ABCC5: variants seen among roughly 807,000 people sequenced by gnomAD.
The protein encoded by ABCC5 is ATP-binding cassette sub-family C member 5.
Under a neutral mutation model 160.9 loss-of-function variants are expected in ABCC5, and 61 were observed. The observed-to-expected ratio is 0.38, with a 90% CI of 0.31 to 0.47. The LOEUF (loss-of-function observed/expected upper bound fraction) is 0.47, where lower values mean the gene tolerates loss of function less well. Ranked by LOEUF, ABCC5 falls within the 20% of genes least tolerant of loss-of-function variation. The probability of loss-of-function intolerance (pLI) is 0.99; values close to 1 mark genes in which losing one functional copy is unlikely to be tolerated. For synonymous variants in ABCC5, 666 were observed against 700.6 expected (o/e 0.95, Z 0.78); for missense variants, 1,308 against 1,813.3 (o/e 0.72, Z 5.06).
At chr3:183,952,139 CA>C (rs1715419431) in intron 18 of ABCC5, 136 bp from the exon 19 acceptor site, 1 of 668,656 alleles carries the variant, frequency 1.5e-6, no homozygotes, top group Non-Finnish European at 2.2e-6. Context: ...TGGCTTTGTC[CA>C]CCTCTTTTTT....
At position 184,005,794 on chromosome 3, in the gene ABCC5, A is replaced by G. The variant is rs190845071; in HGVS notation, c.129+8470T>C. 3.3e-5 allele frequency among the ~76,000 whole-genome samples: 5 copies of G among 152,286 alleles called. No homozygotes were observed. In the East Asian group the frequency reaches 9.6e-4, roughly 29 times the overall value. ...TTAAAGTATAATAATAACTAAAAAA[A>G]AGAAAGCATTAACGGAAACCCACCT... On this transcript the variant is annotated intron_variant, in intron 2 of 29. Transcript: ENST00000334444.
At position 183,944,983 on chromosome 3, in the gene ABCC5, T is replaced by G. The variant is rs115197119; in HGVS notation, c.3504+867A>C. On this transcript the variant is annotated intron_variant, in intron 24 of 29. Coordinates refer to ENST00000334444, the MANE Select transcript of ABCC5 (RefSeq NM_005688.4). Reference sequence around the variant, plus strand: ...CCCTTGCTGTTCCCGTGACAGTGAGTTCTCAGGAGATCTGGTTGTTTGAAA... The same window carrying G: ...CCCTTGCTGTTCCCGTGACAGTGAGGTCTCAGGAGATCTGGTTGTTTGAAA... 2.7e-3 allele frequency among the ~76,000 whole-genome samples: 413 copies of G among 152,216 alleles called. 4 individuals carry two copies. The highest frequency in any genetic ancestry group is 9.1e-3 in the African/African-American group (379 of 41,538).
At chr3:183,931,266 C>T (rs1442290131) in intron 26 of ABCC5, among the ~76,000 whole-genome samples, 1 of 152,014 alleles carries the variant, frequency 6.6e-6, no homozygotes, top group East Asian at 1.9e-4. Context: ...CGGTCTCCTG[C>T]CCACTGAGTA....
rs779381751 is a variant in ABCC5, at chr3:183,982,007, C to A, written c.1000-133G>T. 9.9e-6 allele frequency: 9 copies of A among 912,662 alleles called. No individual in the cohort carries two copies. The highest frequency in any genetic ancestry group is 3.4e-5 in the Admixed American group (1 of 29,424). 56.5% of individuals were successfully genotyped at this position (912,662 alleles called of 1,614,324 possible). ...TAGGATGGGCCAAATGTTATGTAAT[C>A]GTACTGTCTTTAATAAAAGTGACCT... On this transcript the variant is annotated intron_variant, in intron 7 of 29. Coordinates refer to ENST00000334444, the MANE Select transcript of ABCC5 (RefSeq NM_005688.4). The surrounding 1 kb of genome is among the most constrained non-coding windows in gnomAD (Gnocchi z 5.2).
At chr3:184,014,921 T>C (rs1722068776) in intron 1 of ABCC5, among the ~76,000 whole-genome samples, 1 of 152,206 alleles carries the variant, frequency 6.6e-6, no homozygotes. Flanking sequence ...ATATATTCCA[T>C]CTCTGCCTTT....
At chr3:184,011,248 T>C (rs1233881260) in intron 2 of ABCC5, 1 of 152,146 alleles carries the variant, frequency 6.6e-6, no homozygotes, top group African/African-American at 2.4e-5. Flanking sequence ...TTATATTTGG[T>C]CTCTTTCTCC....
intron 25 of ABCC5, chr3:183,942,325 C>A: frequency 2.2e-6 from 1 of 452,704 alleles, no homozygotes; most frequent in South Asian, 1.6e-5. Flanking sequence ...TGAGCCACTG[C>A]GCCCAGCCTA....
chr3:183,955,292 G>C (rs1021098085), intron 17 of ABCC5, among the ~76,000 whole-genome samples: 1 of 152,192 alleles, frequency 6.6e-6, no homozygotes, highest in Non-Finnish European at 1.5e-5. Context: ...TATTTTAATA[G>C]AGTGAGGTTG....
intron 16 of ABCC5, among the ~76,000 whole-genome samples, chr3:183,961,111 A>G (rs1277284220): frequency 6.6e-6 from 1 of 152,170 alleles, no homozygotes; most frequent in Non-Finnish European, 1.5e-5. Flanking sequence ...AATGTATGCA[A>G]TATTTAATTT....
chr3:183,973,439 A>C (rs935308546), intron 10 of ABCC5, among the ~76,000 whole-genome samples: 2 of 152,144 alleles, frequency 1.3e-5, no homozygotes, highest in Non-Finnish European at 2.9e-5. Context: ...TAATTTAAAA[A>C]AATTTTAAAC....
chr3:183,998,767 T>C (rs1720490618), intron 2 of ABCC5, among the ~76,000 whole-genome samples: 1 of 152,148 alleles, frequency 6.6e-6, no homozygotes, highest in South Asian at 2.1e-4. Flanking sequence ...TCTTCTCTCT[T>C]CCCCAGGGTG....
At chr3:183,972,103 G>A in intron 10 of ABCC5, 184 bp from the exon 11 acceptor site, 1 of 1,250,034 alleles carries the variant, frequency 8.0e-7, no homozygotes, top group Non-Finnish European at 1.1e-6. Flanking sequence ...CGGGAGTGTG[G>A]GGCAACCTCA....
At chr3:183,925,453 C>A in intron 29 of ABCC5, 102 bp downstream of exon 29, 1 of 1,255,272 alleles carries the variant, frequency 8.0e-7, no homozygotes, top group South Asian at 1.6e-5. Flanking sequence ...AAGTGCTTAT[C>A]TGAATGCCCA....
chr3:183,959,906 T>A, intron 16 of ABCC5, 71 bp from the exon 17 acceptor site: 1 of 1,093,126 alleles, frequency 9.1e-7, no homozygotes, highest in Non-Finnish European at 1.3e-6. Context: ...GGATACATAT[T>A]AGGGAATCAT....
chr3:183,970,740 G>A (rs1717663855), intron 11 of ABCC5, among the ~76,000 whole-genome samples: 1 of 152,064 alleles, frequency 6.6e-6, no homozygotes, highest in African/African-American at 2.4e-5. Flanking sequence ...CCCAGCCTCT[G>A]TCCCCTTCTG....
In ABCC5 at chr3:183,956,423, C is replaced by T. The variant is rs186639700; in HGVS notation, c.2483-3153G>A. On this transcript the variant is annotated intron_variant, in intron 17 of 29. Coordinates refer to ENST00000334444, the MANE Select transcript of ABCC5 (RefSeq NM_005688.4). ...ATGCAGATCCGTGTGTATATCATATCGGTTACATGCAGATCCGTGTGTAAA... is the reference window on the plus strand; with the variant it reads ...ATGCAGATCCGTGTGTATATCATATTGGTTACATGCAGATCCGTGTGTAAA... 8.9e-4 allele frequency among the ~76,000 whole-genome samples: 132 copies of T among 148,172 alleles called. 2 individuals carry two copies. Among genetic ancestry groups the T allele is most frequent in the African/African-American group, 3.0e-3 (119 of 39,790 alleles).
chr3:183,937,512 A>T (rs1322640831), intron 26 of ABCC5, among the ~76,000 whole-genome samples: 1 of 152,236 alleles, frequency 6.6e-6, no homozygotes, highest in Non-Finnish European at 1.5e-5. Flanking sequence ...ACCATTTGCC[A>T]GGCCCTGTGC....
At chr3:183,942,677 A>G in intron 25 of ABCC5, 50 bp downstream of exon 25, 1 of 1,585,824 alleles carries the variant, frequency 6.3e-7, no homozygotes, top group Non-Finnish European at 8.6e-7. Context: ...GTGATATTTC[A>G]TAAACTGCTA....
chr3:183,959,715 T>C lies in ABCC5; in HGVS notation c.2482+18A>G. ...AAACTTTGATGACAAATCTAAAAATTTCAAAAAAGGCCATTACCTTCCTCT... is the reference window on the plus strand; with the variant it reads ...AAACTTTGATGACAAATCTAAAAATCTCAAAAAAGGCCATTACCTTCCTCT... On this transcript the variant is annotated intron_variant, in intron 17 of 29. Transcript: ENST00000334444. The C allele has an allele frequency of 6.4e-7, 1 of 1,566,644 alleles. No homozygotes were observed. The highest frequency in any genetic ancestry group is 1.2e-5 in the South Asian group (1 of 85,348).
Sources: allele counts gnomAD v4.1 joint callset (sites outside exome capture counted in the v4.1 genomes callset), GRCh38; gene constraint gnomAD v4.1.1; non-coding constraint Gnocchi (gnomAD v3.1); transcripts MANE v1.5; gene names NCBI Gene and HGNC (gene_info 2026-07-23, HGNC 2026-07-21).